Variants in NAA11 observed in about 807,000 individuals in gnomAD.
NAA11 encodes the protein N-alpha-acetyltransferase 11, NatA catalytic subunit.
Under a neutral mutation model 16.1 loss-of-function variants are expected in NAA11, and 15 were observed. The observed-to-expected ratio is 0.93, with a 90% CI of 0.62 to 1.44. The LOEUF is 1.44. NAA11 is among the 40% of genes most tolerant of loss of function. The probability of loss-of-function intolerance (pLI) is 0.00; values close to 1 mark genes in which losing one functional copy is unlikely to be tolerated. For synonymous variants in NAA11, 122 were observed against 112.4 expected (o/e 1.09, Z -0.54); for missense variants, 298 against 291.3 (o/e 1.02, Z -0.17).
At chr4:79,219,250 G>A in the NAA11 span, among the ~76,000 whole-genome samples, 1 of 152,100 alleles carries the variant, frequency 6.6e-6, no homozygotes, top group Non-Finnish European at 1.5e-5. Flanking sequence ...GTTAAATGAA[G>A]AGTAGTCATT....
At chr4:79,230,001 G>A (rs1052468290) in intron 2 of NAA11, among the ~76,000 whole-genome samples, 4 of 151,904 alleles carry the variant, frequency 2.6e-5, no homozygotes, top group Admixed American at 1.3e-4. Context: ...TTATTCTTTC[G>A]ACAGTTTACT....
chr4:79,296,907 C>T (rs1432988053), intron 1 of NAA11, among the ~76,000 whole-genome samples: 2 of 152,226 alleles, frequency 1.3e-5, no homozygotes, highest in African/African-American at 2.4e-5. Flanking sequence ...TTCTTCAATG[C>T]TTAAATTAAT....
At chr4:79,214,286 A>G in the NAA11 span, among the ~76,000 whole-genome samples, 2 of 152,224 alleles carry the variant, frequency 1.3e-5, no homozygotes, top group African/African-American at 4.8e-5. Context: ...GGAGACCAAT[A>G]TGACAGAATT....
At chr4:79,227,904 G>A (rs758898112) in intron 2 of NAA11, 1 of 151,884 alleles carries the variant, frequency 6.6e-6, no homozygotes, top group Non-Finnish European at 1.5e-5. Context: ...AAAATATGTA[G>A]GTATTTCGTT....
At chr4:79,269,646 G>C (rs1722441630) in intron 2 of NAA11, among the ~76,000 whole-genome samples, 1 of 147,296 alleles carries the variant, frequency 6.8e-6, no homozygotes, top group African/African-American at 2.5e-5. Context: ...CTCCCATTTT[G>C]TAGGTTGCCT....
chr4:79,193,657 T>C, the NAA11 span, among the ~76,000 whole-genome samples: 6 of 152,238 alleles, frequency 3.9e-5, no homozygotes, highest in East Asian at 3.9e-4. Context: ...AGTCAGGTAG[T>C]GTGATGCCTC....
chr4:79,190,937 C>A, the NAA11 span, among the ~76,000 whole-genome samples: 1 of 152,126 alleles, frequency 6.6e-6, no homozygotes, highest in Non-Finnish European at 1.5e-5. Flanking sequence ...GTTTTCTGTT[C>A]CTGCATTGTT....
Position 79,325,935 on chromosome 4 carries a change from G to A in NAA11, c.-58C>T, listed in dbSNP as rs1055828996. 7 of 1,462,554 alleles carry A rather than the reference G, an allele frequency of 4.8e-6. No individual in the cohort carries two copies. The highest frequency in any genetic ancestry group is 6.5e-6 in the Non-Finnish European group (7 of 1,076,170). 90.6% of individuals were successfully genotyped at this position (1,462,554 alleles called of 1,614,324 possible). On this transcript the variant is annotated 5_prime_UTR_variant, in exon 1 of 2. Transcript: ENST00000286794. ...AGTGAACCCAGAAGAGGCTGTCGCCGACCTTAAGGGGCACTGTTTGCCTCA... is the reference window on the plus strand; with the variant it reads ...AGTGAACCCAGAAGAGGCTGTCGCCAACCTTAAGGGGCACTGTTTGCCTCA...
At chr4:79,228,375 ATT>A (rs1055196849) in intron 2 of NAA11, among the ~76,000 whole-genome samples, 3 of 151,996 alleles carry the variant, frequency 2.0e-5, no homozygotes, top group Non-Finnish European at 4.4e-5. Context: ...ATTAAAATTC[ATT>A]CTCATTGGTG....
intron 2 of NAA11, among the ~76,000 whole-genome samples, chr4:79,231,658 G>A (rs548317788): frequency 6.6e-6 from 1 of 151,792 alleles, no homozygotes; most frequent in South Asian, 2.1e-4. Context: ...ATAAAAAAGG[G>A]ACAATTAGAT....
chr4:79,171,736 A>G, the NAA11 span, among the ~76,000 whole-genome samples: 1 of 152,198 alleles, frequency 6.6e-6, no homozygotes, highest in Admixed American at 6.6e-5. Flanking sequence ...TTTGTGGCTT[A>G]TCTATGATCA....
At chr4:79,208,939 A>C in the NAA11 span, among the ~76,000 whole-genome samples, 1 of 148,838 alleles carries the variant, frequency 6.7e-6, no homozygotes, top group South Asian at 2.1e-4. Flanking sequence ...AAAAAAAAAA[A>C]AAAAAAAACC....
intron 1 of NAA11, chr4:79,294,160 G>C (rs1419502202): frequency 6.6e-6 from 1 of 152,178 alleles, no homozygotes; most frequent in Non-Finnish European, 1.5e-5. Context: ...AGAAATTCCA[G>C]ATATGGGTTC....
At chr4:79,251,637 T>TA (rs34614778) in intron 2 of NAA11, among the ~76,000 whole-genome samples, 9 of 149,846 alleles carry the variant, frequency 6.0e-5, no homozygotes, top group African/African-American at 1.7e-4. Flanking sequence ...AAAAGTGAAT[T>TA]AAAAAAAAAA....
chr4:79,319,030 G>C (rs577005952), intron 1 of NAA11, among the ~76,000 whole-genome samples: 1 of 152,256 alleles, frequency 6.6e-6, no homozygotes, highest in South Asian at 2.1e-4. Flanking sequence ...TGATCCTCCA[G>C]CCTCAGCCTC....
At chr4:79,191,935 G>C in the NAA11 span, among the ~76,000 whole-genome samples, 3 of 152,184 alleles carry the variant, frequency 2.0e-5, no homozygotes, top group African/African-American at 7.2e-5. Context: ...TTATTGAACA[G>C]AGAGTCTTTA....
intron 2 of NAA11, among the ~76,000 whole-genome samples, chr4:79,247,310 G>A (rs570513290): frequency 3.9e-5 from 6 of 152,190 alleles, no homozygotes; most frequent in African/African-American, 1.4e-4. Context: ...CCACATTGAA[G>A]CTTATTTTTT....
chr4:79,217,195 A>G, the NAA11 span, among the ~76,000 whole-genome samples: 3 of 152,162 alleles, frequency 2.0e-5, no homozygotes, highest in Non-Finnish European at 2.9e-5. Context: ...ATATAGCCCC[A>G]GTGGCAGGCT....
the NAA11 span, among the ~76,000 whole-genome samples, chr4:79,193,932 G>A: frequency 1.3e-5 from 2 of 152,174 alleles, no homozygotes; most frequent in Non-Finnish European, 2.9e-5. Context: ...TCCTTGAAGA[G>A]GTCCTTCACA....
Sources: allele counts gnomAD v4.1 joint callset (sites outside exome capture counted in the v4.1 genomes callset), GRCh38; gene constraint gnomAD v4.1.1; transcripts MANE v1.5; gene names NCBI Gene and HGNC (gene_info 2026-07-23, HGNC 2026-07-21).